Variants in FBXW11 observed in about 807,000 individuals in gnomAD.
FBXW11 encodes the protein F-box and WD repeat domain containing 11.
In FBXW11, 19 loss-of-function variants were observed where a neutral mutation model predicts 77.6. The observed-to-expected ratio is 0.24, with a 90% CI of 0.17 to 0.36. The LOEUF (loss-of-function observed/expected upper bound fraction) is 0.36. Among genes scored for constraint, FBXW11 ranks in the 10% least tolerant of loss-of-function variants. The probability of loss-of-function intolerance (pLI) is 1.00; values close to 1 mark genes in which losing one functional copy is unlikely to be tolerated. For synonymous variants in FBXW11, 235 were observed against 249.4 expected, an observed-to-expected ratio of 0.94 and a Z score of 0.54; for missense variants, 334 against 704.2, an observed-to-expected ratio of 0.47 and a Z score of 5.95.
rs1454285847 is a variant in FBXW11 at position 171,862,321 on chromosome 5, A to G, written c.*1806T>C. The G allele has an allele frequency of 1.2e-4, 19 of 152,644 alleles. No individual in the cohort carries two copies. The allele number at this position is 152,644 out of a possible 1,614,324, so 9.5% of individuals were successfully genotyped here. A position where few individuals can be genotyped will look rare whatever the true frequency, so the allele number is the denominator to read the frequency against. On this transcript the variant is annotated 3_prime_UTR_variant, in exon 14 of 14. Coordinates refer to ENST00000517395, the MANE Select transcript of FBXW11 (RefSeq NM_001378974.1). ...TAATTTAGTAACATGGGAAGGAAGG[A>G]TTTTATTTTTAAAAGAAAAACTAAA...
intron 1 of FBXW11, among the ~76,000 whole-genome samples, chr5:171,970,882 C>A (rs1216184671): frequency 2.0e-5 from 3 of 152,224 alleles, no homozygotes; most frequent in Non-Finnish European, 4.4e-5. Context: ...TTACAGTCCA[C>A]TGGGCTCTAA....
chr5:171,988,257 AT>A (rs942674935), intron 1 of FBXW11, among the ~76,000 whole-genome samples: 2 of 152,186 alleles, frequency 1.3e-5, no homozygotes, highest in African/African-American at 2.4e-5. Context: ...CCTTGGAGAA[AT>A]GGCTGATTCC....
chr5:171,928,376 T>C (rs751950614), intron 2 of FBXW11, among the ~76,000 whole-genome samples: 3 of 152,234 alleles, frequency 2.0e-5, no homozygotes, highest in Non-Finnish European at 4.4e-5. Flanking sequence ...CGATGTTTTT[T>C]GCGTAAGTAG....
intron 4 of FBXW11, among the ~76,000 whole-genome samples, chr5:171,908,244 C>T (rs77260525): frequency 1.8e-4 from 28 of 152,266 alleles, no homozygotes; most frequent in African/African-American, 6.3e-4. Context: ...TTCTCTCTCA[C>T]GCAATCAAAA....
Position 171,891,398 on chromosome 5 carries a change from T to C in FBXW11, c.852+69A>G, listed in dbSNP as rs1759336947. The C allele has an allele frequency of 4.3e-6, 6 of 1,393,946 alleles. No individual in the cohort carries two copies. The South Asian group carries it at 5.0e-5, about 12-fold the overall frequency. The allele number at this position is 1,393,946 out of a possible 1,614,324, so 86.3% of individuals were successfully genotyped here. A position where few individuals can be genotyped will look rare whatever the true frequency, so the allele number is the denominator to read the frequency against. On this transcript the variant is annotated intron_variant, in intron 7 of 13. Coordinates refer to ENST00000517395, the MANE Select transcript of FBXW11 (RefSeq NM_001378974.1). ...AACCAATCTAGAGTAAATGGAAAGA[T>C]TGTCACATCTAGTGTCTAACACATA...
intron 1 of FBXW11, among the ~76,000 whole-genome samples, chr5:171,965,335 G>A (rs1764126037): frequency 6.6e-6 from 1 of 152,060 alleles, no homozygotes; most frequent in Non-Finnish European, 1.5e-5. Flanking sequence ...GACCAGCCTG[G>A]CCAACATAGT....
intron 2 of FBXW11, among the ~76,000 whole-genome samples, chr5:171,936,979 G>A (rs1762514853): frequency 6.6e-6 from 1 of 152,192 alleles, no homozygotes; most frequent in African/African-American, 2.4e-5. Context: ...AGAGCTTCTG[G>A]CCCATTTGTT....
At chr5:171,866,712 T>C (rs1352240777) in intron 13 of FBXW11, among the ~76,000 whole-genome samples, 1 of 152,232 alleles carries the variant, frequency 6.6e-6, no homozygotes, top group Non-Finnish European at 1.5e-5. Flanking sequence ...CAGTTTTTAC[T>C]TGGGTCCATT....
At chr5:171,896,249 T>C (rs1345534596) in intron 6 of FBXW11, among the ~76,000 whole-genome samples, 3 of 152,084 alleles carry the variant, frequency 2.0e-5, no homozygotes, top group Non-Finnish European at 4.4e-5. Flanking sequence ...GAAAAAGGTG[T>C]TGTGAACTGG....
chr5:171,957,339 C>T (rs1763666170), intron 2 of FBXW11, among the ~76,000 whole-genome samples: 2 of 152,068 alleles, frequency 1.3e-5, no homozygotes, highest in Non-Finnish European at 2.9e-5. Context: ...ATGAGAATTA[C>T]AACCTCAAGG....
At chr5:171,913,013 G>C (rs1295869734) in intron 3 of FBXW11, among the ~76,000 whole-genome samples, 3 of 151,910 alleles carry the variant, frequency 2.0e-5, no homozygotes, top group Non-Finnish European at 4.4e-5. Flanking sequence ...TATGATCACA[G>C]TAATTCATGA....
chr5:171,981,060 G>A (rs1464256912), intron 1 of FBXW11, among the ~76,000 whole-genome samples: 1 of 152,106 alleles, frequency 6.6e-6, no homozygotes, highest in Non-Finnish European at 1.5e-5. Context: ...GGAGACGGGA[G>A]AGGAGCTAGG....
At chr5:171,893,137 G>A (rs543383854) in intron 6 of FBXW11, among the ~76,000 whole-genome samples, 18 of 152,148 alleles carry the variant, frequency 1.2e-4, no homozygotes, top group East Asian at 5.8e-4. Context: ...TGGAGATATC[G>A]ATACACGTAT....
intron 7 of FBXW11, among the ~76,000 whole-genome samples, chr5:171,888,500 G>A (rs548164186): frequency 3.3e-5 from 5 of 152,290 alleles, no homozygotes; most frequent in South Asian, 4.1e-4. Flanking sequence ...AGCCATCCCC[G>A]CAACCCCTCT....
chr5:171,990,712 T>A (rs1055669479), intron 1 of FBXW11, among the ~76,000 whole-genome samples: 6 of 152,198 alleles, frequency 3.9e-5, no homozygotes, highest in Admixed American at 6.5e-5. Context: ...TGAGTCATAT[T>A]TTACTTAAAA....
chr5:171,906,331 G>A (rs1760518253), intron 4 of FBXW11, among the ~76,000 whole-genome samples: 2 of 151,892 alleles, frequency 1.3e-5, no homozygotes, highest in East Asian at 1.9e-4. Flanking sequence ...GTCCCTCAAC[G>A]GATGCCTTTC....
intron 7 of FBXW11, among the ~76,000 whole-genome samples, chr5:171,880,686 G>A (rs746731213): frequency 1.3e-5 from 2 of 152,094 alleles, no homozygotes; most frequent in Non-Finnish European, 2.9e-5. Flanking sequence ...GGTGGGGGAG[G>A]TGCTAATATA....
At chr5:171,965,130 G>T (rs766351144) in intron 1 of FBXW11, among the ~76,000 whole-genome samples, 2 of 152,128 alleles carry the variant, frequency 1.3e-5, no homozygotes, top group African/African-American at 2.4e-5. Context: ...AAAAGTAGTG[G>T]AATCAGGACT....
chr5:171,907,917 C>T (rs1006966489), intron 4 of FBXW11, among the ~76,000 whole-genome samples: 3 of 152,218 alleles, frequency 2.0e-5, no homozygotes, highest in Admixed American at 6.5e-5. Flanking sequence ...ACAGTGCCAC[C>T]TTGTGGCTAC....
Sources: gnomAD v4.1 joint callset for allele counts (sites outside exome capture counted in the v4.1 genomes callset) on GRCh38, gnomAD v4.1.1 for gene constraint, MANE v1.5 for transcripts, NCBI Gene and HGNC (gene_info 2026-07-23, HGNC 2026-07-21) for gene names.